The following MMP17 variants were observed in gnomAD, a reference collection of about 807,000 sequenced individuals.
MMP17 encodes matrix metalloproteinase-17.
MMP17 carries 54 observed loss-of-function variants against 49.1 expected under a neutral mutation model. That is an observed-to-expected ratio of 1.10 (90% confidence interval 0.88 to 1.38). The LOEUF is 1.38. Ranked by LOEUF, MMP17 falls within the 40% of genes most tolerant of loss-of-function variation. The pLI, the probability that MMP17 is intolerant of heterozygous loss-of-function variation, is 0.00. For missense variants in MMP17, 837 were observed against 853.7 expected (o/e 0.98, Z 0.24); for synonymous variants, 397 against 383.1 (o/e 1.04, Z -0.42).
chr12:131,850,807 CG>C (rs1887933407), intron 9 of MMP17, 117 bp from the exon 10 acceptor site: 3 of 720,594 alleles, frequency 4.2e-6, no homozygotes, highest in Non-Finnish European at 6.2e-6. Context: ...CTGTCTGGCC[CG>C]ACTCGAGCCC....
At chr12:131,841,523 T>A in intron 4 of MMP17, 101 bp from the exon 5 acceptor site, 1 of 1,241,376 alleles carries the variant, frequency 8.1e-7, no homozygotes, top group Non-Finnish European at 1.2e-6. Flanking sequence ...CATCGAGGCA[T>A]CCCCATGGTC....
Position 131,851,472 on chromosome 12 carries a change from A to T in MMP17, c.*198A>T, listed in dbSNP as rs1369993922. The T allele has an allele frequency of 6.8e-6, 3 of 442,076 alleles. No individual in the cohort carries two copies. The highest frequency in any genetic ancestry group is 1.1e-5 in the Non-Finnish European group (3 of 262,768). 27.4% of individuals were successfully genotyped at this position (442,076 alleles called of 1,614,324 possible). A position where few individuals can be genotyped will look rare whatever the true frequency, so the allele number is the denominator to read the frequency against. On this transcript the variant is annotated 3_prime_UTR_variant, in exon 10 of 10. Coordinates refer to ENST00000360564, the MANE Select transcript of MMP17 (RefSeq NM_016155.7). ...GCAAGGACGGAGCTGTCCCCTAGTG[A>T]GGGACTGTGTTGACTGACGAGCCGA...
Position 131,843,853 on chromosome 12 carries a change from G to C in MMP17, c.884-144G>C, listed in dbSNP as rs1887551815. 3.3e-5 allele frequency: 20 copies of C among 612,760 alleles called. No individual in the cohort carries two copies. In the South Asian group the frequency reaches 4.1e-4, roughly 12 times the overall value. 38.0% of individuals were successfully genotyped at this position (612,760 alleles called of 1,614,324 possible). On this transcript the variant is annotated intron_variant, in intron 5 of 9. Coordinates refer to ENST00000360564, the MANE Select transcript of MMP17 (RefSeq NM_016155.7). ...CTCGACGTCAGCTCTGGGGGCAGCA[G>C]TCTCGCTGATCGCAGCTGCGCCCCC...
rs1372096057 is a variant in MMP17, at chr12:131,851,242, C to T, written c.1780C>T (p.Leu594=). ...LLLPPLSPGA[L]WTAAQALTL ...GCTGCCGCCACTGTCACCAGGCGCCCTGTGGACAGCGGCCCAGGCCCTGAC... is the reference window on the plus strand; with the variant it reads ...GCTGCCGCCACTGTCACCAGGCGCCTTGTGGACAGCGGCCCAGGCCCTGAC... The change falls in exon 10 of 10, where the codon CTG becomes TTG. Residue 594 remains leucine, a synonymous_variant. Coordinates refer to ENST00000360564, the MANE Select transcript of MMP17 (RefSeq NM_016155.7). 2 of 1,447,176 alleles carry T rather than the reference C, an allele frequency of 1.4e-6. No homozygotes were observed. The highest frequency in any genetic ancestry group is 2.6e-5 in the East Asian group (1 of 37,938). The allele number at this position is 1,447,176 out of a possible 1,614,324, so 89.6% of individuals were successfully genotyped here. A position where few individuals can be genotyped will look rare whatever the true frequency, so the allele number is the denominator to read the frequency against.
At chr12:131,832,423 C>T (rs1358727279) in intron 1 of MMP17, among the ~76,000 whole-genome samples, 3 of 151,218 alleles carry the variant, frequency 2.0e-5, no homozygotes, top group African/African-American at 7.3e-5. Flanking sequence ...TCTGGGGGCA[C>T]TGCAGGGTGT....
intron 1 of MMP17, among the ~76,000 whole-genome samples, chr12:131,834,970 C>T (rs1452527273): frequency 1.3e-5 from 2 of 152,186 alleles, no homozygotes; most frequent in Non-Finnish European, 2.9e-5. Context: ...CTCGTGGGCT[C>T]AGGAGGCCCC....
At chr12:131,840,928 C>T (rs1476184320) in intron 4 of MMP17, 72 bp downstream of exon 4, 8 of 1,442,296 alleles carry the variant, frequency 5.5e-6, no homozygotes, top group Admixed American at 2.5e-5. Context: ...GCAGCCATGG[C>T]CCCCCCATCC....
chr12:131,838,922 G>T (rs373431123), intron 3 of MMP17, among the ~76,000 whole-genome samples, 181 bp downstream of exon 3: 1 of 151,900 alleles, frequency 6.6e-6, no homozygotes, highest in Non-Finnish European at 1.5e-5. Context: ...GCGTGGCCAG[G>T]GTGGGGAACG....
chr12:131,830,634 C>T (rs938437911), intron 1 of MMP17, among the ~76,000 whole-genome samples: 1 of 152,228 alleles, frequency 6.6e-6, no homozygotes, highest in African/African-American at 2.4e-5. Flanking sequence ...GCCCGCTCGC[C>T]GGAGGCGCTC....
At chr12:131,847,969 A>G (rs1256894261) in intron 8 of MMP17, among the ~76,000 whole-genome samples, 5 of 152,188 alleles carry the variant, frequency 3.3e-5, no homozygotes, top group Non-Finnish European at 7.4e-5. Context: ...GGCAGGGCCC[A>G]TTGGTCCTCC....
rs765754043 is a variant in MMP17, at chr12:131,840,746, C to G, written c.596C>G (p.Pro199Arg). ...FSKADHNDGY[P>R]FDGPGGTVAH... ...AAGGCCGACCATAACGACGGCTACC[C>G]CTTCGACGGCCCCGGCGGCACCGTG... is the stretch of plus-strand genomic sequence containing the variant. The change falls in exon 4 of 10, where the codon CCC becomes CGC. Residue 199 changes from proline (P) to arginine (R), a missense_variant. By Grantham distance (103) the Pro-to-Arg change is moderately radical. Coordinates refer to ENST00000360564, the MANE Select transcript of MMP17 (RefSeq NM_016155.7). 6.2e-7 allele frequency: 1 copy of G among 1,604,284 alleles called. No individual in the cohort carries two copies. Among genetic ancestry groups the G allele is most frequent in the South Asian group, 1.1e-5 (1 of 91,092 alleles).
At chr12:131,845,259 C>A (rs1887638309) in intron 7 of MMP17, 38 bp from the exon 8 acceptor site, 3 of 1,613,594 alleles carry the variant, frequency 1.9e-6, no homozygotes, top group South Asian at 1.1e-5. Flanking sequence ...TGGGTGCAGA[C>A]CGTCTCTGCA....
At chr12:131,844,947 TGG>T in intron 6 of MMP17, 169 bp from the exon 7 acceptor site, 1 of 419,774 alleles carries the variant, frequency 2.4e-6, no homozygotes, top group Non-Finnish European at 4.0e-6. Context: ...GCTGAAGCGG[TGG>T]ACAGGCACCC....
At chr12:131,839,287 C>A (rs554909588) in intron 3 of MMP17, among the ~76,000 whole-genome samples, 6 of 152,190 alleles carry the variant, frequency 3.9e-5, no homozygotes, top group Non-Finnish European at 5.9e-5. Flanking sequence ...CTCATGTCAA[C>A]CCCTCATGAC....
intron 8 of MMP17, among the ~76,000 whole-genome samples, chr12:131,848,846 C>T (rs1445263860): frequency 6.6e-6 from 1 of 152,186 alleles, no homozygotes; most frequent in Non-Finnish European, 1.5e-5. Context: ...ACTCTGGGCT[C>T]CTGTGAAGGA....
chr12:131,840,413 G>A lies in MMP17; in HGVS notation c.423-160G>A, dbSNP rs1054883255. 3.8e-5 allele frequency: 27 copies of A among 712,656 alleles called. 1 individual carries two copies. The highest frequency in any genetic ancestry group is 3.4e-4 in the East Asian group (13 of 38,496). 44.1% of individuals were successfully genotyped at this position (712,656 alleles called of 1,614,324 possible). On this transcript the variant is annotated intron_variant, in intron 3 of 9. Transcript: ENST00000360564. ...ATCCCAGTGAACTACTGGAACCGCC[G>A]TGAGTGCATCGGATGACTCCTGGCG... is the stretch of plus-strand genomic sequence containing the variant.
chr12:131,836,839 C>T lies in MMP17; in HGVS notation c.160-1356C>T, dbSNP rs543931436. Among the ~76,000 whole-genome samples, 26 of 152,250 alleles carry T rather than the reference C, an allele frequency of 1.7e-4. 1 individual carries two copies. In the Middle Eastern group the frequency reaches 0.017, roughly 100 times the overall value. ...ATGGCAGCCTGCAAGTGGGCACAGG[C>T]GCCATTTGGCGGTTGAAGAAACTGA... On this transcript the variant is annotated intron_variant, in intron 1 of 9. Coordinates refer to ENST00000360564, the MANE Select transcript of MMP17 (RefSeq NM_016155.7).
intron 3 of MMP17, chr12:131,840,089 A>G (rs1286763470): frequency 6.5e-6 from 1 of 154,418 alleles, no homozygotes; most frequent in Non-Finnish European, 1.4e-5. Flanking sequence ...CACCCAGCCA[A>G]CCCTATTTCC....
intron 1 of MMP17, among the ~76,000 whole-genome samples, chr12:131,837,318 G>T (rs998823334): frequency 3.9e-5 from 6 of 152,198 alleles, no homozygotes; most frequent in East Asian, 1.9e-4. Flanking sequence ...CTGAGACAGG[G>T]TCTCGCTCTG....
Sources: gnomAD v4.1 joint callset for allele counts (sites outside exome capture counted in the v4.1 genomes callset) on GRCh38, gnomAD v4.1.1 for gene constraint, MANE v1.5 for transcripts, NCBI Gene and HGNC (gene_info 2026-07-23, HGNC 2026-07-21) for gene names.